PAG1: variants seen among roughly 807,000 people sequenced by gnomAD.
The protein encoded by PAG1 is phosphoprotein associated with glycosphingolipid-enriched microdomains 1.
Under a neutral mutation model 31.7 loss-of-function variants are expected in PAG1, and 23 were observed. The observed-to-expected ratio is 0.73, with a 90% CI of 0.52 to 1.03. The LOEUF is 1.03. Ranked by LOEUF, PAG1 falls within the 50% of genes least tolerant of loss-of-function variation. The pLI is 0.00. For synonymous variants in PAG1, 214 were observed against 210.3 expected (o/e 1.02, Z -0.15); for missense variants, 473 against 540.7 (o/e 0.87, Z 1.24).
intron 8 of PAG1, among the ~76,000 whole-genome samples, chr8:80,978,964 T>A (rs886120091): frequency 6.6e-6 from 1 of 152,238 alleles, no homozygotes; most frequent in Non-Finnish European, 1.5e-5. Flanking sequence ...CTTTTTCTAA[T>A]CAATCCTTTC....
intron 5 of PAG1, 141 bp from the exon 6 acceptor site, chr8:80,987,607 C>G (rs994778387): frequency 3.3e-6 from 2 of 611,042 alleles, no homozygotes; most frequent in Non-Finnish European, 5.9e-6. Flanking sequence ...ATAGTCCCCC[C>G]TTATCTACAG....
At chr8:80,978,486 C>T (rs141307139) in intron 8 of PAG1, among the ~76,000 whole-genome samples, 81 of 152,274 alleles carry the variant, frequency 5.3e-4, no homozygotes, top group African/African-American at 1.9e-3. Flanking sequence ...GGCATACCAG[C>T]GTATTCATCA....
chr8:81,048,323 T>C (rs1426170090), intron 2 of PAG1, among the ~76,000 whole-genome samples: 6 of 152,182 alleles, frequency 3.9e-5, no homozygotes, highest in Non-Finnish European at 8.8e-5. Flanking sequence ...TAGCATATAA[T>C]ACCTCTCTTT....
rs1368850477 is a variant in PAG1, at chr8:80,974,109, A to G, written c.*2435T>C. 6.6e-6 allele frequency: 1 copy of G among 152,146 alleles called. No individual in the cohort carries two copies. Among genetic ancestry groups the G allele is most frequent in the Non-Finnish European group, 1.5e-5 (1 of 68,026 alleles). The allele number at this position is 152,146 out of a possible 1,614,324, so 9.4% of individuals were successfully genotyped here. A position where few individuals can be genotyped will look rare whatever the true frequency, so the allele number is the denominator to read the frequency against. ...ACTCTTGGGGGAAATTTTGGTAACA[A>G]AATTGCAAAATGACATGATTATTTA... On this transcript the variant is annotated 3_prime_UTR_variant, in exon 9 of 9. Coordinates refer to ENST00000220597, the MANE Select transcript of PAG1 (RefSeq NM_018440.4).
chr8:81,081,187 C>T lies in PAG1; in HGVS notation c.-233-11017G>A, dbSNP rs181911898. On this transcript the variant is annotated intron_variant, in intron 1 of 8. Transcript: ENST00000220597. ...TGATTGATAAAACAGAATCCCTTGCCTTCCTTCCCAATCTCCAAACAAATT... is the reference window on the plus strand; with the variant it reads ...TGATTGATAAAACAGAATCCCTTGCTTTCCTTCCCAATCTCCAAACAAATT... 5.9e-5 allele frequency among the ~76,000 whole-genome samples: 9 copies of T among 151,364 alleles called. No homozygotes were observed. In the East Asian group the frequency reaches 1.4e-3, roughly 23 times the overall value.
chr8:81,013,673 G>A (rs527459016), intron 3 of PAG1, among the ~76,000 whole-genome samples: 7 of 152,194 alleles, frequency 4.6e-5, no homozygotes, highest in Admixed American at 3.9e-4. Context: ...TCTGCCTTCC[G>A]GGCTCAAGCG....
chr8:81,002,636 G>T (rs1052895209), intron 3 of PAG1, among the ~76,000 whole-genome samples: 1 of 152,214 alleles, frequency 6.6e-6, no homozygotes, highest in African/African-American at 2.4e-5. Context: ...AGGACTGCTG[G>T]CTTAACAGTG....
chr8:81,004,108 T>C (rs1807833850), intron 3 of PAG1, among the ~76,000 whole-genome samples: 1 of 152,174 alleles, frequency 6.6e-6, no homozygotes, highest in Non-Finnish European at 1.5e-5. Flanking sequence ...TAGAGTAGCC[T>C]TTCAACAAAA....
chr8:80,999,843 A>G lies in PAG1; in HGVS notation c.-80-6536T>C, dbSNP rs550257372. On this transcript the variant is annotated intron_variant, in intron 3 of 8. Coordinates refer to ENST00000220597, the MANE Select transcript of PAG1 (RefSeq NM_018440.4). ...TCACTTCTAAGGTTGGTTTCCCCCA[A>G]ATTCTGACTTGGAAGCCAATTCTCA... is the stretch of plus-strand genomic sequence containing the variant. 2.8e-3 allele frequency among the ~76,000 whole-genome samples: 427 copies of G among 152,272 alleles called. 3 individuals are homozygous for G. The highest frequency in any genetic ancestry group is 6.8e-3 in the Middle Eastern group (2 of 294).
chr8:81,025,902 G>C (rs1159081898), intron 3 of PAG1, among the ~76,000 whole-genome samples: 1 of 152,090 alleles, frequency 6.6e-6, no homozygotes, highest in East Asian at 1.9e-4. Context: ...CCTCTGTGGG[G>C]GCAGTGTGTG....
In PAG1 at chr8:80,976,318, T is replaced by TGTA; in HGVS notation, c.*223_*225dup. On this transcript the variant is annotated 3_prime_UTR_variant, in exon 9 of 9. Coordinates refer to ENST00000220597, the MANE Select transcript of PAG1 (RefSeq NM_018440.4). ...GGTGCAGCAGGGAGATGTGCTTGGG[T>TGTA]GTACCTGTCCATCTGGCAGGCAGGG... The TGTA allele has an allele frequency of 2.0e-6, 1 of 511,900 alleles. No homozygotes were observed. Among genetic ancestry groups the TGTA allele is most frequent in the South Asian group, 2.5e-5 (1 of 39,914 alleles). 31.7% of individuals were successfully genotyped at this position (511,900 alleles called of 1,614,324 possible). A position where few individuals can be genotyped will look rare whatever the true frequency, so the allele number is the denominator to read the frequency against.
intron 1 of PAG1, among the ~76,000 whole-genome samples, chr8:81,110,312 C>G (rs1045329762): frequency 6.6e-6 from 1 of 152,148 alleles, no homozygotes; most frequent in Non-Finnish European, 1.5e-5. Flanking sequence ...ACCCAATACT[C>G]CAAATATTCC....
In PAG1 at chr8:80,984,842, G is replaced by A; in HGVS notation, c.810C>T (p.Asn270=). The change falls in exon 7 of 9, where the codon AAC becomes AAT. Residue 270 remains asparagine, a synonymous_variant. Coordinates refer to ENST00000220597, the MANE Select transcript of PAG1 (RefSeq NM_018440.4). ...VPVKLLDENE[N]LQEKEGGEAE... is the part of the protein sequence containing the mutation. ...CCTCTCCCCCTTCCTTCTCCTGAAG[G>A]TTTTCATTCTCGTCCAGAAGCTTAA... 1 of 1,614,082 alleles carries A rather than the reference G, an allele frequency of 6.2e-7. No individual in the cohort carries two copies. The highest frequency in any genetic ancestry group is 8.5e-7 in the Non-Finnish European group (1 of 1,179,964).
At position 80,970,430 on chromosome 8, in the gene PAG1, A is replaced by T. The variant is rs1807053318; in HGVS notation, c.*6114T>A. 6.6e-6 allele frequency: 1 copy of T among 152,664 alleles called. No homozygotes were observed. The highest frequency in any genetic ancestry group is 2.1e-4 in the South Asian group (1 of 4,816). 9.5% of individuals were successfully genotyped at this position (152,664 alleles called of 1,614,324 possible). A position where few individuals can be genotyped will look rare whatever the true frequency, so the allele number is the denominator to read the frequency against. On this transcript the variant is annotated 3_prime_UTR_variant, in exon 9 of 9. Coordinates refer to ENST00000220597, the MANE Select transcript of PAG1 (RefSeq NM_018440.4). ...CCCGGCCTAAAAATGATTACTTCTT[A>T]TAAAAAGGATTTCTTCCCCTTCACA...
rs990810704 is a variant in PAG1, at chr8:80,975,131, G to C, written c.*1413C>G. ...TCACAGCCACCTCTCATCATATTTT[G>C]TTCTTCTTTCCATTTTTACCATTTC... On this transcript the variant is annotated 3_prime_UTR_variant, in exon 9 of 9. Coordinates refer to ENST00000220597, the MANE Select transcript of PAG1 (RefSeq NM_018440.4). The C allele has an allele frequency of 2.6e-5, 4 of 152,080 alleles. No individual in the cohort carries two copies. The highest frequency in any genetic ancestry group is 9.7e-5 in the African/African-American group (4 of 41,392). 9.4% of individuals were successfully genotyped at this position (152,080 alleles called of 1,614,324 possible). A position where few individuals can be genotyped will look rare whatever the true frequency, so the allele number is the denominator to read the frequency against.
At chr8:81,014,694 CT>C (rs1808043025) in intron 3 of PAG1, among the ~76,000 whole-genome samples, 1 of 152,244 alleles carries the variant, frequency 6.6e-6, no homozygotes, top group East Asian at 1.9e-4. Context: ...AGGAAGGAGG[CT>C]TGTAGCTTCA....
intron 5 of PAG1, among the ~76,000 whole-genome samples, chr8:80,988,400 G>A (rs1208436446): frequency 6.6e-6 from 1 of 152,186 alleles, no homozygotes; most frequent in Admixed American, 6.5e-5. Flanking sequence ...CAAAGCCTCT[G>A]GCTGCTAGGT....
chr8:81,062,394 T>G (rs140726218), intron 2 of PAG1, among the ~76,000 whole-genome samples: 1 of 152,376 alleles, frequency 6.6e-6, no homozygotes, highest in African/African-American at 2.4e-5. Flanking sequence ...TATATTCAGC[T>G]ATAAAAAATA....
intron 3 of PAG1, among the ~76,000 whole-genome samples, chr8:81,018,375 G>A (rs916533535): frequency 6.6e-6 from 1 of 152,128 alleles, no homozygotes; most frequent in Non-Finnish European, 1.5e-5. Context: ...ATATGATTTT[G>A]AGCTCAGATT....
Sources: gnomAD v4.1 joint callset for allele counts (sites outside exome capture counted in the v4.1 genomes callset) on GRCh38, gnomAD v4.1.1 for gene constraint, MANE v1.5 for transcripts, NCBI Gene and HGNC (gene_info 2026-07-23, HGNC 2026-07-21) for gene names.